Variants in TBC1D8 observed in about 807,000 individuals in gnomAD.
The protein encoded by TBC1D8 is BUB2-like protein 1.
A neutral mutation model predicts 118.8 loss-of-function variants in TBC1D8; 65 were observed. The ratio of observed to expected loss-of-function variants is 0.55; its 90% CI spans 0.45 to 0.67. The LOEUF (loss-of-function observed/expected upper bound fraction) is 0.67, where lower values mean the gene tolerates loss of function less well. TBC1D8 is among the 30% of genes least tolerant of loss of function. TBC1D8 has a pLI of 0.00. For missense variants in TBC1D8, 1,376 were observed against 1,471.2 expected, an observed-to-expected ratio of 0.94 and a Z score of 1.06; for synonymous variants, 566 against 595.8, an observed-to-expected ratio of 0.95 and a Z score of 0.73.
chr2:101,068,522 G>T, intron 2 of TBC1D8: 1 of 473,450 alleles, frequency 2.1e-6, no homozygotes, highest in Admixed American at 3.2e-5. Flanking sequence ...TGGAACCACA[G>T]TGGTGGTATG....
chr2:101,012,619 AAT>A (rs1398787797), intron 17 of TBC1D8, among the ~76,000 whole-genome samples: 2 of 135,864 alleles, frequency 1.5e-5, no homozygotes, highest in African/African-American at 2.7e-5. Flanking sequence ...CACAACTCTG[AAT>A]ATACAAAAAA....
chr2:101,037,620 C>T lies in TBC1D8; in HGVS notation c.1364G>A (p.Ser455Asn), dbSNP rs773618355. 1.8e-5 allele frequency: 29 copies of T among 1,613,866 alleles called. No homozygotes were observed. In the East Asian group the frequency reaches 6.2e-4, roughly 35 times the overall value. Reference protein sequence around the residue: ...EMMSSQNSEESEKEKSPLMHP... With the variant: ...EMMSSQNSEENEKEKSPLMHP... ...CATCAGCGGGCTCTTCTCTTTCTCA[C>T]TCTCCTCGCTATTTTGAGAAGACAT... is the stretch of plus-strand genomic sequence containing the variant. Residue 455 changes from serine (S) to asparagine (N), a missense_variant, in exon 8 of 20, where the codon AGT (serine) becomes AAT (asparagine). Coordinates refer to ENST00000409318, the MANE Select transcript of TBC1D8 (RefSeq NM_001330348.2).
intron 2 of TBC1D8, among the ~76,000 whole-genome samples, chr2:101,087,012 G>A (rs1675677983): frequency 6.6e-6 from 1 of 152,088 alleles, no homozygotes; most frequent in Non-Finnish European, 1.5e-5. Context: ...TTGAACTCCT[G>A]ACCTCAGGTG....
At position 101,067,155 on chromosome 2, in the gene TBC1D8, G is replaced by A. The variant is rs140205455; in HGVS notation, c.284-7616C>T. Among the ~76,000 whole-genome samples the A allele has an allele frequency of 4.6e-5, 7 of 152,256 alleles. No homozygotes were observed. In the East Asian group the frequency reaches 9.6e-4, roughly 21 times the overall value. On this transcript the variant is annotated intron_variant, in intron 2 of 19. Coordinates refer to ENST00000409318, the MANE Select transcript of TBC1D8 (RefSeq NM_001330348.2). ...GGCTGGCAGAGTGTTTACGACTTCA[G>A]TTCTTACATCAAATGCACCTTGCTA... is the stretch of plus-strand genomic sequence containing the variant.
intron 1 of TBC1D8, among the ~76,000 whole-genome samples, chr2:101,145,167 G>A (rs1679268136): frequency 6.6e-6 from 1 of 152,144 alleles, no homozygotes. Flanking sequence ...ATCTCCTGGA[G>A]TGACACAGTC....
intron 1 of TBC1D8, among the ~76,000 whole-genome samples, chr2:101,102,501 A>C (rs1035011071): frequency 6.6e-6 from 1 of 151,642 alleles, no homozygotes; most frequent in African/African-American, 2.4e-5. Context: ...GTCTAAGTAC[A>C]CCAACTAAAT....
rs199973474 is a variant in TBC1D8 at position 101,007,958 on chromosome 2, G to C, written c.3331C>G (p.Gln1111Glu). 6.2e-6 allele frequency: 10 copies of C among 1,613,908 alleles called. No individual in the cohort carries two copies. The African/African-American group carries it at 1.3e-4, about 22-fold the overall frequency. ...EHILASLLTE[Q>E]SLVNFFEKPL... ...TTTTCAAAAAAGTTGACTAATGACT[G>C]TTCAGTCAGAAGTGAAGCTAAAATA... The change falls in exon 20 of 20, where the codon CAG becomes GAG. Residue 1111 changes from glutamine (Q) to glutamate (E), a missense_variant. Transcript: ENST00000409318.
In TBC1D8 at chr2:101,033,586, C is replaced by T. The variant is rs1490991434; in HGVS notation, c.1776G>A (p.Leu592=). 1 of 1,613,878 alleles carries T rather than the reference C, an allele frequency of 6.2e-7. No homozygotes were observed. The highest frequency in any genetic ancestry group is 2.2e-5 in the East Asian group (1 of 44,868). The change falls in exon 10 of 20, where the codon TTG becomes TTA. Residue 592 remains leucine (L), a synonymous_variant. Transcript: ENST00000409318. Reference sequence around the variant, plus strand: ...TGGGGTTCCGGTGGGCATAGGCCGTCAAGACTCTCCTCAAAGCAGCAATTC... The same window carrying T: ...TGGGGTTCCGGTGGGCATAGGCCGTTAAGACTCTCCTCAAAGCAGCAATTC... ...ETGIAALRRV[L]TAYAHRNPKI...
rs769096172 is a variant in TBC1D8, at chr2:101,050,625, C to T, written c.648G>A (p.Pro216=). 2.4e-5 allele frequency: 38 copies of T among 1,613,618 alleles called. No homozygotes were observed. The highest frequency in any genetic ancestry group is 1.1e-4 in the African/African-American group (8 of 74,898). ...TTTCTAATTTCTGGATATCAACCCA[C>T]GGAACCACAAGTTTAACTGTAAGAG... The part of the protein sequence containing the change: ...FLGKELKLVV[P]WVDIQKLERT... The change falls in exon 5 of 20, where the codon CCG becomes CCA. Residue 216 remains proline, a synonymous_variant. Transcript: ENST00000409318.
intron 6 of TBC1D8, 47 bp downstream of exon 6, chr2:101,040,131 A>C (rs1681286051): frequency 6.3e-7 from 1 of 1,586,962 alleles, no homozygotes; most frequent in African/African-American, 1.3e-5. Flanking sequence ...CCTTGTGTTC[A>C]AACAACAAAA....
At chr2:101,085,721 C>T (rs555701408) in intron 2 of TBC1D8, among the ~76,000 whole-genome samples, 29 of 152,270 alleles carry the variant, frequency 1.9e-4, no homozygotes, top group African/African-American at 6.0e-4. Flanking sequence ...AAAATTCTCA[C>T]GAATGCTTCA....
At chr2:101,041,154 C>G (rs537019604) in intron 5 of TBC1D8, among the ~76,000 whole-genome samples, 1 of 152,196 alleles carries the variant, frequency 6.6e-6, no homozygotes, top group African/African-American at 2.4e-5. Flanking sequence ...AGGCTAAAAA[C>G]AGACTTAACA....
chr2:101,100,665 A>T (rs1676767200), intron 1 of TBC1D8, among the ~76,000 whole-genome samples: 2 of 152,222 alleles, frequency 1.3e-5, no homozygotes, highest in Admixed American at 6.5e-5. Flanking sequence ...TAACCAAAAC[A>T]GCATGGTACT....
intron 2 of TBC1D8, among the ~76,000 whole-genome samples, chr2:101,073,070 A>C (rs992511630): frequency 3.9e-5 from 6 of 152,068 alleles, no homozygotes; most frequent in Non-Finnish European, 8.8e-5. Context: ...CATTTACCAT[A>C]GTTCTTAAGG....
At chr2:101,052,649 G>C (rs1682148326) in intron 4 of TBC1D8, among the ~76,000 whole-genome samples, 2 of 151,890 alleles carry the variant, frequency 1.3e-5, no homozygotes, top group Admixed American at 1.3e-4. Context: ...GCTAATTTTT[G>C]TATTTTTAGT....
chr2:101,117,507 C>T (rs1677874669), intron 1 of TBC1D8, among the ~76,000 whole-genome samples: 1 of 151,536 alleles, frequency 6.6e-6, no homozygotes, highest in Non-Finnish European at 1.5e-5. Flanking sequence ...CAGTAAAGGG[C>T]AGATTCAGCG....
At position 101,040,249 on chromosome 2, in the gene TBC1D8, C is replaced by T. The variant is rs983037879; in HGVS notation, c.1009G>A (p.Ala337Thr). 3 of 1,613,998 alleles carry T rather than the reference C, an allele frequency of 1.9e-6. No homozygotes were observed. The highest frequency in any genetic ancestry group is 2.2e-5 in the East Asian group (1 of 44,874). Residue 337 changes from alanine (A) to threonine (T), a missense_variant, in exon 6 of 20, where the codon GCC becomes ACC. Physicochemically the swap from Ala to Thr is moderately conservative, Grantham distance 58 (BLOSUM62 0). Coordinates refer to ENST00000409318, the MANE Select transcript of TBC1D8 (RefSeq NM_001330348.2). The part of the protein sequence containing the change: ...SRCHTTGRMF[A>T]SDSYICFASR... ...GCAAAGCAGATGTAGCTGTCAGAGG[C>T]GAACATCCGCCCCGTGGTGTGACAG...
intron 1 of TBC1D8, among the ~76,000 whole-genome samples, chr2:101,097,899 T>C (rs1048375132): frequency 3.3e-5 from 5 of 152,178 alleles, no homozygotes; most frequent in Non-Finnish European, 5.9e-5. Flanking sequence ...CTGCATTCAA[T>C]GTGAAACAGT....
At chr2:101,091,538 A>G (rs890520793) in intron 1 of TBC1D8, among the ~76,000 whole-genome samples, 5 of 152,010 alleles carry the variant, frequency 3.3e-5, no homozygotes, top group African/African-American at 1.2e-4. Context: ...CAGGCTGGGC[A>G]ATACAGTGAG....
Sources: allele counts gnomAD v4.1 joint callset (sites outside exome capture counted in the v4.1 genomes callset), GRCh38; gene constraint gnomAD v4.1.1; transcripts MANE v1.5; gene names NCBI Gene and HGNC (gene_info 2026-07-23, HGNC 2026-07-21).